ZFHX3: variants seen among roughly 807,000 people sequenced by gnomAD.
The protein encoded by ZFHX3 is zinc finger homeobox 3.
ZFHX3 carries 42 observed loss-of-function variants against 279.1 expected under a neutral mutation model. The observed-to-expected ratio is 0.15, with a 90% confidence interval of 0.12 to 0.19. The LOEUF is 0.19. Among genes scored for constraint, ZFHX3 ranks in the 10% least tolerant of loss-of-function variants. The probability of loss-of-function intolerance (pLI) is 1.00; values close to 1 mark genes in which losing one functional copy is unlikely to be tolerated. For synonymous variants in ZFHX3, 2,293 were observed against 1,957.8 expected (o/e 1.17, Z -4.52); for missense variants, 4,981 against 4,754.0 (o/e 1.05, Z -1.40).
At chr16:73,331,803 T>C (rs936209110) in intron 3 of ZFHX3, among the ~76,000 whole-genome samples, 1 of 152,184 alleles carries the variant, frequency 6.6e-6, no homozygotes. Flanking sequence ...TTTTAAGAGA[T>C]GACATTTCTC....
At chr16:73,860,777 G>T (rs1961861121) in intron 1 of ZFHX3, among the ~76,000 whole-genome samples, 1 of 152,052 alleles carries the variant, frequency 6.6e-6, no homozygotes, top group Non-Finnish European at 1.5e-5. Flanking sequence ...CATTCCTTTG[G>T]AAGTGATTAA....
chr16:73,422,767 C>A (rs986891984), intron 3 of ZFHX3, among the ~76,000 whole-genome samples: 2 of 152,244 alleles, frequency 1.3e-5, no homozygotes, highest in African/African-American at 4.8e-5. Flanking sequence ...CCACCTATGT[C>A]ATTCCCAATC....
At chr16:73,514,678 C>T (rs1053202594) in intron 2 of ZFHX3, among the ~76,000 whole-genome samples, 1 of 152,148 alleles carries the variant, frequency 6.6e-6, no homozygotes, top group African/African-American at 2.4e-5. Context: ...TCAAAGAAGC[C>T]GAACCTCTGC....
intron 1 of ZFHX3, among the ~76,000 whole-genome samples, chr16:73,816,317 G>A (rs1960569868): frequency 6.6e-6 from 1 of 152,170 alleles, no homozygotes; most frequent in Non-Finnish European, 1.5e-5. Context: ...GGAAGTCAAT[G>A]AGAAAGGGTT....
intron 5 of ZFHX3, among the ~76,000 whole-genome samples, chr16:73,146,646 CT>C (rs1966864782): frequency 6.6e-6 from 1 of 151,832 alleles, no homozygotes; most frequent in African/African-American, 2.4e-5. Context: ...TCTTTTCTTT[CT>C]TTTTATTTTT....
At chr16:72,847,533 G>C (rs1178530901) in intron 4 of ZFHX3, among the ~76,000 whole-genome samples, 1 of 152,086 alleles carries the variant, frequency 6.6e-6, no homozygotes, top group African/African-American at 2.4e-5. Flanking sequence ...ATGTTAAGAA[G>C]TGAGCCCGGA....
chr16:73,320,276 C>G (rs2015549522), intron 3 of ZFHX3, among the ~76,000 whole-genome samples: 1 of 152,162 alleles, frequency 6.6e-6, no homozygotes, highest in Non-Finnish European at 1.5e-5. Flanking sequence ...AAACATATTC[C>G]AGATGAACCT....
chr16:72,925,907 A>G (rs1022087588), intron 3 of ZFHX3, among the ~76,000 whole-genome samples: 6 of 152,210 alleles, frequency 3.9e-5, no homozygotes, highest in Admixed American at 1.3e-4. Context: ...TACTCATTAT[A>G]TAACACATGT....
intron 1 of ZFHX3, chr16:73,793,969 G>T (rs191708002): frequency 6.6e-6 from 1 of 152,224 alleles, no homozygotes; most frequent in Admixed American, 6.5e-5. Flanking sequence ...GAGGCGTGTG[G>T]AAAATTTTGA....
chr16:73,373,192 G>A (rs1288698217), intron 3 of ZFHX3, among the ~76,000 whole-genome samples: 1 of 152,074 alleles, frequency 6.6e-6, no homozygotes, highest in Non-Finnish European at 1.5e-5. Context: ...TTAAGAGAGA[G>A]AAATTGTCGA....
At chr16:73,855,863 A>G (rs969124653) in intron 1 of ZFHX3, among the ~76,000 whole-genome samples, 6 of 152,346 alleles carry the variant, frequency 3.9e-5, no homozygotes, top group African/African-American at 1.4e-4. Flanking sequence ...CCATACAGAT[A>G]ACACAGTGCT....
upstream of ZFHX3, among the ~76,000 whole-genome samples, chr16:73,049,649 C>T (rs1965412800): frequency 6.6e-6 from 1 of 152,134 alleles, no homozygotes; most frequent in Non-Finnish European, 1.5e-5. Flanking sequence ...TCCAGGGAAT[C>T]ATGTCCGATT....
At chr16:73,553,658 G>A (rs2020234883) in intron 2 of ZFHX3, among the ~76,000 whole-genome samples, 1 of 152,194 alleles carries the variant, frequency 6.6e-6, no homozygotes, top group African/African-American at 2.4e-5. Context: ...GACTGGTCAT[G>A]TTAATCTGTT....
intron 1 of ZFHX3, among the ~76,000 whole-genome samples, chr16:73,688,587 T>A (rs895400419): frequency 1.3e-5 from 2 of 152,122 alleles, no homozygotes; most frequent in Non-Finnish European, 2.9e-5. Context: ...CTGCATCTGC[T>A]GGTGCCTGGA....
intron 3 of ZFHX3, among the ~76,000 whole-genome samples, chr16:73,319,742 G>A (rs558728541): frequency 2.6e-5 from 4 of 152,228 alleles, no homozygotes; most frequent in South Asian, 2.1e-4. Flanking sequence ...AGGTTTAAAC[G>A]AAACCCCGCT....
At chr16:73,319,537 G>C in intron 3 of ZFHX3, among the ~76,000 whole-genome samples, 1 of 151,986 alleles carries the variant, frequency 6.6e-6, no homozygotes, top group East Asian at 1.9e-4. Flanking sequence ...CCCGCTGGGG[G>C]AAGCTAAGAA....
chr16:73,708,632 T>G (rs980368397), intron 1 of ZFHX3, among the ~76,000 whole-genome samples: 7 of 152,184 alleles, frequency 4.6e-5, no homozygotes, highest in African/African-American at 1.7e-4. Flanking sequence ...CTCTACCCTC[T>G]GAGAATTCTG....
intron 1 of ZFHX3, among the ~76,000 whole-genome samples, chr16:73,013,355 T>C (rs540262148): frequency 6.6e-6 from 1 of 152,304 alleles, no homozygotes; most frequent in Admixed American, 6.5e-5. Context: ...TAGTACGATG[T>C]TGGCTCACTG....
intron 2 of ZFHX3, among the ~76,000 whole-genome samples, chr16:73,473,816 G>A (rs987221731): frequency 2.0e-5 from 3 of 152,184 alleles, no homozygotes; most frequent in Non-Finnish European, 4.4e-5. Context: ...AACTGTGTGG[G>A]TCAGGGAAGC....
Sources: allele counts gnomAD v4.1 joint callset (sites outside exome capture counted in the v4.1 genomes callset), GRCh38; gene constraint gnomAD v4.1.1; transcripts MANE v1.5; gene names NCBI Gene and HGNC (gene_info 2026-07-23, HGNC 2026-07-21).